ADRA1B: variants seen among roughly 807,000 people sequenced by gnomAD.
ADRA1B encodes the protein alpha-1B adrenergic receptor.
ADRA1B carries 17 observed loss-of-function variants against 17.9 expected under a neutral mutation model. The ratio of observed to expected loss-of-function variants is 0.95; its 90% CI spans 0.65 to 1.42. The LOEUF (loss-of-function observed/expected upper bound fraction) is 1.42. ADRA1B is among the 40% of genes most tolerant of loss of function. ADRA1B has a pLI of 0.00. For missense variants in ADRA1B, 681 were observed against 722.1 expected (o/e 0.94, Z 0.65); for synonymous variants, 366 against 327.6 (o/e 1.12, Z -1.27).
intron 1 of ADRA1B, among the ~76,000 whole-genome samples, chr5:159,899,230 A>T (rs10072006): frequency 1.5e-5 from 2 of 135,348 alleles, no homozygotes; most frequent in Non-Finnish European, 1.6e-5. Context: ...AAGGAAGGGA[A>T]GGAGGGAGGG....
At chr5:159,934,906 A>T (rs1188755397) in intron 1 of ADRA1B, among the ~76,000 whole-genome samples, 1 of 152,172 alleles carries the variant, frequency 6.6e-6, no homozygotes, top group Non-Finnish European at 1.5e-5. Flanking sequence ...ACTCATCTGT[A>T]AAACGACACC....
chr5:159,916,605 C>A lies in ADRA1B; in HGVS notation c.-301C>A. On this transcript the variant is annotated 5_prime_UTR_variant, in exon 1 of 2. Transcript: ENST00000306675. ...CCGGGCGCCCCCGGCCCTGCCGCCCCCTCCTCCCCGCCGCTCCCCCGCGAG... is the reference window on the plus strand; with the variant it reads ...CCGGGCGCCCCCGGCCCTGCCGCCCACTCCTCCCCGCCGCTCCCCCGCGAG... 1 of 249,460 alleles carries A rather than the reference C, an allele frequency of 4.0e-6. No homozygotes were observed. Among genetic ancestry groups the A allele is most frequent in the South Asian group, 1.3e-4 (1 of 7,612 alleles). The allele number at this position is 249,460 out of a possible 1,614,324, so 15.5% of individuals were successfully genotyped here.
In ADRA1B at chr5:159,972,410, G is replaced by T. The variant is rs1037636362; in HGVS notation, c.1481G>T (p.Gly494Val). ...SPGTDGGASN[G>V]GCEAAADVAN... is the part of the protein sequence containing the mutation. Reference sequence around the variant, plus strand: ...GGGACCGACGGCGGCGCCAGCAACGGAGGCTGCGAGGCCGCGGCCGACGTG... The same window carrying T: ...GGGACCGACGGCGGCGCCAGCAACGTAGGCTGCGAGGCCGCGGCCGACGTG... The change falls in exon 2 of 2, where the codon GGA becomes GTA. Residue 494 changes from glycine to valine, a missense_variant. Physicochemically the swap from Gly to Val is moderately radical, Grantham distance 109. Coordinates refer to ENST00000306675, the MANE Select transcript of ADRA1B (RefSeq NM_000679.4). 27 of 1,508,822 alleles carry T rather than the reference G, an allele frequency of 1.8e-5. No homozygotes were observed. Among genetic ancestry groups the T allele is most frequent in the Non-Finnish European group, 2.4e-5 (27 of 1,134,854 alleles). 93.5% of individuals were successfully genotyped at this position (1,508,822 alleles called of 1,614,324 possible).
At chr5:159,983,748 G>T in the ADRA1B span, among the ~76,000 whole-genome samples, 1 of 152,092 alleles carries the variant, frequency 6.6e-6, no homozygotes, top group Non-Finnish European at 1.5e-5. Context: ...GTCTCTGGGG[G>T]CAGAGAGACA....
chr5:159,968,576 C>T (rs775575704), intron 1 of ADRA1B, among the ~76,000 whole-genome samples: 8 of 152,116 alleles, frequency 5.3e-5, no homozygotes, highest in Admixed American at 3.9e-4. Context: ...TGCCCACCTT[C>T]GCCTTCCAAA....
Position 159,916,875 on chromosome 5 carries a change from AT to A in ADRA1B, c.-30del. The stretch of plus-strand genomic sequence containing the variant: ...CGCCGCAGCCCTTCCGAGCCCAATC[AT>A]CCCCCTGGCTATGGAGGGCGGACTC... On this transcript the variant is annotated 5_prime_UTR_variant, in exon 1 of 2. Coordinates refer to ENST00000306675, the MANE Select transcript of ADRA1B (RefSeq NM_000679.4). 6.4e-7 allele frequency: 1 copy of A among 1,570,130 alleles called. No homozygotes were observed. Among genetic ancestry groups the A allele is most frequent in the Non-Finnish European group, 8.7e-7 (1 of 1,155,388 alleles).
At chr5:159,900,750 G>GC (rs1382959055) in intron 1 of ADRA1B, among the ~76,000 whole-genome samples, 1 of 152,218 alleles carries the variant, frequency 6.6e-6, no homozygotes, top group African/African-American at 2.4e-5. Flanking sequence ...GGGGTGGGCA[G>GC]CCCCCCAGCC....
At chr5:159,960,968 A>G (rs1402733496) in intron 1 of ADRA1B, among the ~76,000 whole-genome samples, 1 of 152,222 alleles carries the variant, frequency 6.6e-6, no homozygotes. Flanking sequence ...AGTCATTCAC[A>G]GTCTAATCAG....
chr5:159,917,468 C>A lies in ADRA1B; in HGVS notation c.563C>A (p.Ala188Glu), dbSNP rs748673379. The change falls in exon 1 of 2, where the codon GCA (alanine) becomes GAA (glutamate). Residue 188 changes from alanine (A) to glutamate (E), a missense_variant. This residue lies in a region of ADRA1B where 424 missense variants were observed against 480.2 expected (regional missense o/e 0.88). Coordinates refer to ENST00000306675, the MANE Select transcript of ADRA1B (RefSeq NM_000679.4). ...IGPLLGWKEP[A>E]PNDDKECGVT... ...CCTCTCCTTGGGTGGAAGGAGCCGG[C>A]ACCCAACGATGACAAGGAGTGCGGG... 4.3e-6 allele frequency: 7 copies of A among 1,614,182 alleles called. No homozygotes were observed. Among genetic ancestry groups the A allele is most frequent in the Non-Finnish European group, 5.9e-6 (7 of 1,180,026 alleles).
At chr5:159,951,307 C>T in intron 1 of ADRA1B, 1 of 1,332,600 alleles carries the variant, frequency 7.5e-7, no homozygotes, top group Non-Finnish European at 1.1e-6. Context: ...ACAAGCTTCC[C>T]TTTCTCAGCC....
At chr5:159,939,278 A>AGAGAGAGT (rs1417832136) in intron 1 of ADRA1B, among the ~76,000 whole-genome samples, 37 of 98,358 alleles carry the variant, frequency 3.8e-4, no homozygotes, top group Non-Finnish European at 6.0e-4. Context: ...AGAGAGAGAG[A>AGAGAGAGT]GTGTGTGTGT....
chr5:159,935,038 C>A (rs1754917679), intron 1 of ADRA1B, among the ~76,000 whole-genome samples: 1 of 152,128 alleles, frequency 6.6e-6, no homozygotes, highest in Non-Finnish European at 1.5e-5. Context: ...TACACGAAGC[C>A]TCTAATCTGG....
chr5:159,872,215 C>T (rs1165454373), intron 1 of ADRA1B, among the ~76,000 whole-genome samples: 1 of 152,136 alleles, frequency 6.6e-6, no homozygotes, highest in African/African-American at 2.4e-5. Flanking sequence ...AGAAATTGCA[C>T]ATGTGGCCTT....
chr5:159,904,682 G>A (rs1011152027), intron 1 of ADRA1B, among the ~76,000 whole-genome samples: 20 of 152,184 alleles, frequency 1.3e-4, no homozygotes, highest in African/African-American at 3.6e-4. Context: ...TAAATTCATA[G>A]CACTTGTGAT....
chr5:159,916,673 G>A lies in ADRA1B; in HGVS notation c.-233G>A, dbSNP rs780979425. Reference sequence around the variant, plus strand: ...GACGTGGACCATTAAACTTGGAGCTGCCGCCTCGTCCCCTCTCCTCCTCCT... The same window carrying A: ...GACGTGGACCATTAAACTTGGAGCTACCGCCTCGTCCCCTCTCCTCCTCCT... On this transcript the variant is annotated 5_prime_UTR_variant, in exon 1 of 2. Coordinates refer to ENST00000306675, the MANE Select transcript of ADRA1B (RefSeq NM_000679.4). 10 of 497,576 alleles carry A rather than the reference G, an allele frequency of 2.0e-5. No homozygotes were observed. The highest frequency in any genetic ancestry group is 3.5e-5 in the Non-Finnish European group (10 of 283,686). 30.8% of individuals were successfully genotyped at this position (497,576 alleles called of 1,614,324 possible). A position where few individuals can be genotyped will look rare whatever the true frequency, so the allele number is the denominator to read the frequency against.
intron 1 of ADRA1B, among the ~76,000 whole-genome samples, chr5:159,874,856 A>G (rs1052724370): frequency 2.0e-5 from 3 of 152,230 alleles, no homozygotes; most frequent in African/African-American, 7.2e-5. Flanking sequence ...GAATTTATTC[A>G]TGTACCCAAA....
intron 1 of ADRA1B, among the ~76,000 whole-genome samples, chr5:159,901,429 AG>A (rs1315257639): frequency 6.6e-5 from 1 of 15,072 alleles, no homozygotes. Context: ...GGGGAGGGAG[AG>A]GGGGAGGGGA....
intron 1 of ADRA1B, among the ~76,000 whole-genome samples, chr5:159,884,842 C>A (rs984585314): frequency 1.3e-5 from 2 of 152,186 alleles, no homozygotes; most frequent in Non-Finnish European, 2.9e-5. Context: ...GAAAGGCTTC[C>A]CATATGTACA....
intron 1 of ADRA1B, chr5:159,868,808 A>C (rs1753698185): frequency 1.3e-5 from 2 of 152,222 alleles, no homozygotes; most frequent in Admixed American, 1.3e-4. Context: ...TAGAAAGTTC[A>C]TTGCCAACAC....
Sources: gnomAD v4.1 joint callset for allele counts (sites outside exome capture counted in the v4.1 genomes callset) on GRCh38, gnomAD v4.1.1 for gene constraint, gnomAD v4.1.1 regional missense constraint, MANE v1.5 for transcripts, NCBI Gene and HGNC (gene_info 2026-07-23, HGNC 2026-07-21) for gene names.